BEGAIN: variants seen among roughly 807,000 people sequenced by gnomAD.
The protein encoded by BEGAIN is brain-enriched guanylate kinase-associated protein.
Under a neutral mutation model 35.8 loss-of-function variants are expected in BEGAIN, and 19 were observed. That is an observed-to-expected ratio of 0.53 (90% CI 0.37 to 0.78). The LOEUF (loss-of-function observed/expected upper bound fraction) is 0.78. BEGAIN is among the 30% of genes least tolerant of loss of function. The pLI is 0.00. For missense variants in BEGAIN, 795 were observed against 853.6 expected (o/e 0.93, Z 0.85); for synonymous variants, 462 against 388.6 (o/e 1.19, Z -2.22).
Position 100,586,188 on chromosome 14 carries a change from G to T in BEGAIN, c.42+1061C>A, listed in dbSNP as rs566484232. On this transcript the variant is annotated intron_variant, in intron 1 of 6. Coordinates refer to ENST00000554140, the MANE Select transcript of BEGAIN (RefSeq NM_001385089.1). The surrounding 1 kb of genome is among the most constrained non-coding windows in gnomAD (Gnocchi z 4.9). ...GAGCCTGGCCCTGGGAGTAGTGGGG[G>T]TCTCTGCTGCTCTTGGCAGGCAGAG... Among the ~76,000 whole-genome samples the T allele has an allele frequency of 2.0e-5, 3 of 152,164 alleles. No homozygotes were observed. The highest frequency in any genetic ancestry group is 4.4e-5 in the Non-Finnish European group (3 of 68,030).
Position 100,580,483 on chromosome 14 carries a change from C to G in BEGAIN, c.42+6766G>C, listed in dbSNP as rs533760769. On this transcript the variant is annotated intron_variant, in intron 1 of 6. Coordinates refer to ENST00000554140, the MANE Select transcript of BEGAIN (RefSeq NM_001385089.1). ...GAACGTCTCTCAGGTCCTGAATGTG[C>G]TAAGCTCTATCTGACCTCAGGGCCT... 4.6e-5 allele frequency among the ~76,000 whole-genome samples: 7 copies of G among 152,220 alleles called. No individual in the cohort carries two copies. The East Asian group carries it at 1.4e-3, about 29-fold the overall frequency.
intron 2 of BEGAIN, among the ~76,000 whole-genome samples, chr14:100,552,028 C>T (rs755085260): frequency 6.6e-5 from 10 of 152,140 alleles, no homozygotes; most frequent in Non-Finnish European, 1.5e-4. Flanking sequence ...AAACAACTGC[C>T]CTCATGGCCC....
chr14:100,566,723 G>A (rs1040365562), intron 2 of BEGAIN, among the ~76,000 whole-genome samples: 1 of 152,182 alleles, frequency 6.6e-6, no homozygotes, highest in African/African-American at 2.4e-5. Context: ...AGGTATTTGG[G>A]GTCTGAGATT....
intron 1 of BEGAIN, among the ~76,000 whole-genome samples, chr14:100,581,471 TG>T: frequency 6.6e-6 from 1 of 152,154 alleles, no homozygotes; most frequent in Middle Eastern, 3.4e-3. Flanking sequence ...TTCCGGCTCC[TG>T]GCACCGCAGC....
chr14:100,565,783 C>T (rs1004375887), intron 2 of BEGAIN, among the ~76,000 whole-genome samples: 18 of 152,208 alleles, frequency 1.2e-4, no homozygotes, highest in African/African-American at 3.6e-4. Context: ...CAGGGGCTCA[C>T]GGCACCCAAC....
chr14:100,557,793 C>T (rs1222857200), intron 2 of BEGAIN, among the ~76,000 whole-genome samples: 1 of 152,124 alleles, frequency 6.6e-6, no homozygotes, highest in African/African-American at 2.4e-5. Flanking sequence ...CATGCCTTCC[C>T]CTCCTGCCTC....
chr14:100,544,945 T>TC lies in BEGAIN; in HGVS notation c.300+54dup, dbSNP rs948282522. The TC allele has an allele frequency of 4.5e-6, 7 of 1,570,912 alleles. No homozygotes were observed. In the African/African-American group the frequency reaches 8.1e-5, roughly 18 times the overall value. On this transcript the variant is annotated intron_variant, in intron 4 of 6. Transcript: ENST00000554140. ...GGCCCAGGGGTGTCAGCTGGGTGGCTCCCCCCGGGAAGGAGGTGTGGGGTG... is the reference window on the plus strand; with the variant it reads ...GGCCCAGGGGTGTCAGCTGGGTGGCTCCCCCCCGGGAAGGAGGTGTGGGGTG...
intron 2 of BEGAIN, among the ~76,000 whole-genome samples, chr14:100,553,110 C>T (rs566082068): frequency 6.6e-6 from 1 of 152,244 alleles, no homozygotes; most frequent in South Asian, 2.1e-4. Flanking sequence ...TCAACAGACG[C>T]CTGTTTTCCT....
At position 100,537,324 on chromosome 14, in the gene BEGAIN, C is replaced by G. The variant is rs1243325502; in HGVS notation, c.*645G>C. The stretch of plus-strand genomic sequence containing the variant: ...CCCGGGGGCGGAGATGAGCACCGGC[C>G]GCACTGGGGCATCATCCCGGCCCAC... On this transcript the variant is annotated 3_prime_UTR_variant, in exon 7 of 7. Coordinates refer to ENST00000554140, the MANE Select transcript of BEGAIN (RefSeq NM_001385089.1). 3 of 152,684 alleles carry G rather than the reference C, an allele frequency of 2.0e-5. No individual in the cohort carries two copies. Among genetic ancestry groups the G allele is most frequent in the Admixed American group, 1.3e-4 (2 of 15,292 alleles). The allele number at this position is 152,684 out of a possible 1,614,324, so 9.5% of individuals were successfully genotyped here.
intron 2 of BEGAIN, among the ~76,000 whole-genome samples, chr14:100,559,643 G>A (rs1393700514): frequency 6.6e-6 from 1 of 152,226 alleles, no homozygotes; most frequent in Non-Finnish European, 1.5e-5. Flanking sequence ...AATTGGATCA[G>A]CAGGAGGCCT....
chr14:100,563,050 A>G lies in BEGAIN; in HGVS notation c.71+4861T>C, dbSNP rs1180450141. ...CCTTTGAGGGGGGGCGTGGAGGGGC[A>G]GGGCAGGACAGGGTCAGGACCTTCG... is the stretch of plus-strand genomic sequence containing the variant. On this transcript the variant is annotated intron_variant, in intron 2 of 6. Transcript: ENST00000554140. The surrounding 1 kb of genome is among the most constrained non-coding windows in gnomAD (Gnocchi z 4.2). Among the ~76,000 whole-genome samples, 1 of 152,158 alleles carries G rather than the reference A, an allele frequency of 6.6e-6. No homozygotes were observed. Among genetic ancestry groups the G allele is most frequent in the African/African-American group, 2.4e-5 (1 of 41,442 alleles).
intron 2 of BEGAIN, among the ~76,000 whole-genome samples, chr14:100,560,372 C>T (rs1429184708): frequency 6.6e-6 from 1 of 152,240 alleles, no homozygotes; most frequent in East Asian, 1.9e-4. Flanking sequence ...CACCACCTGC[C>T]CCTGCCTCTC....
chr14:100,561,277 G>A (rs1199941927), intron 2 of BEGAIN, among the ~76,000 whole-genome samples: 1 of 152,214 alleles, frequency 6.6e-6, no homozygotes, highest in Non-Finnish European at 1.5e-5. Context: ...CAAGGGGTGG[G>A]CAGCAAGGCC....
chr14:100,544,030 C>T (rs1391494774), intron 4 of BEGAIN, 65 bp from the exon 5 acceptor site: 32 of 1,178,836 alleles, frequency 2.7e-5, no homozygotes, highest in Middle Eastern at 2.5e-4. Flanking sequence ...CCCAGTCGCT[C>T]GATTGCACCC....
In BEGAIN at chr14:100,568,312, C is replaced by A. The variant is rs1035303723; in HGVS notation, c.43-373G>T. ...GGCGGCCGCGGCCCCGCTGCTCCCC[C>A]CGCCCCGCCCGTTAACCCTTCCTGC... On this transcript the variant is annotated intron_variant, in intron 1 of 6. Coordinates refer to ENST00000554140, the MANE Select transcript of BEGAIN (RefSeq NM_001385089.1). The surrounding 1 kb of genome is among the most constrained non-coding windows in gnomAD (Gnocchi z 7.5). The A allele has an allele frequency of 1.8e-5, 14 of 758,142 alleles. No individual in the cohort carries two copies. The highest frequency in any genetic ancestry group is 3.8e-4 in the Middle Eastern group (1 of 2,614). The allele number at this position is 758,142 out of a possible 1,614,324, so 47.0% of individuals were successfully genotyped here. A position where few individuals can be genotyped will look rare whatever the true frequency, so the allele number is the denominator to read the frequency against.
At chr14:100,574,554 A>G (rs1213818900) in intron 1 of BEGAIN, among the ~76,000 whole-genome samples, 2 of 150,658 alleles carry the variant, frequency 1.3e-5, no homozygotes, top group Non-Finnish European at 2.9e-5. Context: ...ATTTGAGCCA[A>G]CATTTAAAAA....
intron 1 of BEGAIN, among the ~76,000 whole-genome samples, chr14:100,580,857 C>T (rs756333454): frequency 6.6e-6 from 1 of 152,034 alleles, no homozygotes; most frequent in Admixed American, 6.5e-5. Flanking sequence ...AGTTCACAAA[C>T]ATCCCCAGCC....
intron 5 of BEGAIN, among the ~76,000 whole-genome samples, chr14:100,542,193 C>G (rs1259010389): frequency 6.6e-6 from 1 of 152,144 alleles, no homozygotes; most frequent in African/African-American, 2.4e-5. Flanking sequence ...AACCACCGCT[C>G]CACTCCACCA....
Position 100,568,063 on chromosome 14 carries a change from G to A in BEGAIN, c.43-124C>T, listed in dbSNP as rs2139718016. 2.7e-6 allele frequency: 3 copies of A among 1,097,952 alleles called. No homozygotes were observed. The highest frequency in any genetic ancestry group is 3.3e-6 in the Non-Finnish European group (3 of 902,564). The allele number at this position is 1,097,952 out of a possible 1,614,324, so 68.0% of individuals were successfully genotyped here. ...GCGGGGCCCCGTCCGTGGGAAGCCC[G>A]GCGCCGCGCGTCCCCAGCTTCCAGT... On this transcript the variant is annotated intron_variant, in intron 1 of 6. Transcript: ENST00000554140. This position sits in a 1 kb window ranked among gnomAD's most constrained non-coding sequence, Gnocchi z 7.5.
Sources: allele counts gnomAD v4.1 joint callset (sites outside exome capture counted in the v4.1 genomes callset), GRCh38; gene constraint gnomAD v4.1.1; non-coding constraint Gnocchi (gnomAD v3.1); transcripts MANE v1.5; gene names NCBI Gene and HGNC (gene_info 2026-07-23, HGNC 2026-07-21).